SLC9C1: variants seen among roughly 807,000 people sequenced by gnomAD.
SLC9C1 encodes sodium/hydrogen exchanger 10.
Under a neutral mutation model 140.9 loss-of-function variants are expected in SLC9C1, and 97 were observed. That is an observed-to-expected ratio of 0.69 (90% CI 0.58 to 0.82). SLC9C1 has a LOEUF of 0.82. SLC9C1 is among the 40% of genes least tolerant of loss of function. The probability of loss-of-function intolerance (pLI) is 0.00; values close to 1 mark genes in which losing one functional copy is unlikely to be tolerated. For synonymous variants in SLC9C1, 440 were observed against 442.6 expected, an observed-to-expected ratio of 0.99 and a Z score of 0.07; for missense variants, 1,340 against 1,389.3, an observed-to-expected ratio of 0.96 and a Z score of 0.56.
chr3:112,160,345 G>A (rs2075257813), intron 26 of SLC9C1, among the ~76,000 whole-genome samples: 1 of 150,868 alleles, frequency 6.6e-6, no homozygotes, highest in South Asian at 2.1e-4. Context: ...ATGTGTACAT[G>A]TGCCATGCTG....
Position 112,179,513 on chromosome 3 carries a change from AG to A in SLC9C1, c.2919+17del, listed in dbSNP as rs1216496686. 1 of 1,586,040 alleles carries A rather than the reference AG, an allele frequency of 6.3e-7. No individual in the cohort carries two copies. Among genetic ancestry groups the A allele is most frequent in the Non-Finnish European group, 8.5e-7 (1 of 1,171,920 alleles). On this transcript the variant is annotated intron_variant, in intron 23 of 28. Transcript: ENST00000305815. ...TTTAACAAAATACAACAAAAGTCAC[AG>A]GCGAAGTTTTTCTGACCTCCACTAC...
intron 20 of SLC9C1, 136 bp from the exon 21 acceptor site, chr3:112,182,394 C>CT: frequency 1.1e-6 from 1 of 903,242 alleles, no homozygotes; most frequent in Non-Finnish European, 1.6e-6. Context: ...TTCAACCTCT[C>CT]TTTATATCAT....
At chr3:112,226,786 A>G (rs781381029) in intron 13 of SLC9C1, among the ~76,000 whole-genome samples, 8 of 152,132 alleles carry the variant, frequency 5.3e-5, no homozygotes, top group African/African-American at 1.9e-4. Context: ...GGAACTAAAA[A>G]AGTAAGAACA....
chr3:112,211,088 AC>A (rs1002263435), intron 15 of SLC9C1, among the ~76,000 whole-genome samples: 6 of 152,296 alleles, frequency 3.9e-5, no homozygotes, highest in Admixed American at 1.3e-4. Context: ...TTGTTTTCTT[AC>A]TTTAGGTATG....
In SLC9C1 at chr3:112,227,018, T is replaced by A. The variant is rs182989918; in HGVS notation, c.1572+4343A>T. Reference sequence around the variant, plus strand: ...ACACAACAACTGAGACCACAGAAATTCAAGCTATCATTACAGACTATTATG... The same window carrying A: ...ACACAACAACTGAGACCACAGAAATACAAGCTATCATTACAGACTATTATG... On this transcript the variant is annotated intron_variant, in intron 13 of 28. Coordinates refer to ENST00000305815, the MANE Select transcript of SLC9C1 (RefSeq NM_183061.3). Among the ~76,000 whole-genome samples the A allele has an allele frequency of 4.4e-3, 667 of 152,020 alleles. 4 individuals carry two copies. The highest frequency in any genetic ancestry group is 7.5e-3 in the Non-Finnish European group (508 of 67,934).
At chr3:112,275,056 T>C (rs1472556674) in intron 5 of SLC9C1, 31 bp from the exon 6 acceptor site, 1 of 1,532,402 alleles carries the variant, frequency 6.5e-7, no homozygotes, top group African/African-American at 1.4e-5. Context: ...AGATGTTTTT[T>C]AAAGTGAGAA....
intron 7 of SLC9C1, among the ~76,000 whole-genome samples, chr3:112,267,180 G>A (rs1051217814): frequency 6.6e-6 from 1 of 152,150 alleles, no homozygotes; most frequent in African/African-American, 2.4e-5. Flanking sequence ...TTAGGAGGCT[G>A]AGGTGGGAGA....
At chr3:112,191,727 T>G (rs912654072) in intron 20 of SLC9C1, among the ~76,000 whole-genome samples, 2 of 152,156 alleles carry the variant, frequency 1.3e-5, no homozygotes, top group African/African-American at 4.8e-5. Context: ...ATTCCTTCTT[T>G]GCTTTTTTGG....
chr3:112,265,153 T>C (rs6438061), intron 8 of SLC9C1, among the ~76,000 whole-genome samples: 89,793 of 151,712 alleles, frequency 0.59, 27,082 homozygotes, highest in East Asian at 0.79. Context: ...AGAAATCACT[T>C]CGAGGTTCAG....
At chr3:112,245,949 T>A (rs2108237893) in intron 10 of SLC9C1, among the ~76,000 whole-genome samples, 1 of 152,274 alleles carries the variant, frequency 6.6e-6, no homozygotes, top group Middle Eastern at 3.4e-3. Context: ...TCTTGATACT[T>A]AGTCATCTTT....
intron 1 of SLC9C1, among the ~76,000 whole-genome samples, chr3:112,287,249 GTCC>G (rs1305677874): frequency 6.6e-6 from 1 of 152,200 alleles, no homozygotes; most frequent in East Asian, 1.9e-4. Flanking sequence ...AAAGGGTTTT[GTCC>G]TCAGATTATC....
intron 6 of SLC9C1, among the ~76,000 whole-genome samples, chr3:112,271,393 G>GTATATATATATATATATA (rs57918598): frequency 0.043 from 5,413 of 125,260 alleles, 340 homozygotes; most frequent in East Asian, 0.12. Context: ...ATTCTACATT[G>GTATATATATATATATATA]TATATATATA....
At chr3:112,199,082 T>G (rs1419101532) in intron 20 of SLC9C1, among the ~76,000 whole-genome samples, 1 of 150,986 alleles carries the variant, frequency 6.6e-6, no homozygotes, top group Non-Finnish European at 1.5e-5. Context: ...GACTTTTGGT[T>G]TGACAGCAAA....
At chr3:112,227,022 G>T (rs1179607156) in intron 13 of SLC9C1, among the ~76,000 whole-genome samples, 1 of 152,000 alleles carries the variant, frequency 6.6e-6, no homozygotes, top group Non-Finnish European at 1.5e-5. Context: ...AGAAATTCAA[G>T]CTATCATTAC....
At chr3:112,260,425 C>T (rs1576467993) in intron 10 of SLC9C1, among the ~76,000 whole-genome samples, 1 of 151,818 alleles carries the variant, frequency 6.6e-6, no homozygotes, top group African/African-American at 2.4e-5. Flanking sequence ...ACCTTTGGGT[C>T]GTTTCTATTG....
At chr3:112,161,454 G>A (rs1423130619) in intron 26 of SLC9C1, among the ~76,000 whole-genome samples, 1 of 152,178 alleles carries the variant, frequency 6.6e-6, no homozygotes, top group African/African-American at 2.4e-5. Flanking sequence ...TGTATAAGGT[G>A]TAAGGAAGGG....
chr3:112,282,378 T>C (rs1576521464), intron 2 of SLC9C1, among the ~76,000 whole-genome samples: 1 of 77,264 alleles, frequency 1.3e-5, no homozygotes, highest in East Asian at 6.4e-4. Flanking sequence ...TTTTGCTTGT[T>C]GACTTTCTGT....
At chr3:112,162,640 T>C (rs1304783107) in intron 26 of SLC9C1, among the ~76,000 whole-genome samples, 1 of 152,172 alleles carries the variant, frequency 6.6e-6, no homozygotes, top group Non-Finnish European at 1.5e-5. Flanking sequence ...CATGGTGGAT[T>C]ATCTTTTTGA....
At position 112,181,873 on chromosome 3, in the gene SLC9C1, A is replaced by T. The variant is rs150708257; in HGVS notation, c.2649+260T>A. The stretch of plus-strand genomic sequence containing the variant: ...GGAATTAGAAAAACATGTAATGTGC[A>T]TGGAACACCATGAGTGGTTCAGTAT... On this transcript the variant is annotated intron_variant, in intron 21 of 28. Coordinates refer to ENST00000305815, the MANE Select transcript of SLC9C1 (RefSeq NM_183061.3). Among the ~76,000 whole-genome samples, 335 of 152,352 alleles carry T rather than the reference A, an allele frequency of 2.2e-3. 4 individuals are homozygous for T. Among genetic ancestry groups the T allele is most frequent in the African/African-American group, 7.5e-3 (314 of 41,592 alleles).
Sources: allele counts gnomAD v4.1 joint callset (sites outside exome capture counted in the v4.1 genomes callset), GRCh38; gene constraint gnomAD v4.1.1; transcripts MANE v1.5; gene names NCBI Gene and HGNC (gene_info 2026-07-23, HGNC 2026-07-21).